Variants in AKT3 observed in about 807,000 individuals in gnomAD.
AKT3 encodes the protein AKT serine/threonine kinase 3.
AKT3 carries 15 observed loss-of-function variants against 65.3 expected under a neutral mutation model. The ratio of observed to expected loss-of-function variants is 0.23; its 90% CI spans 0.15 to 0.35. AKT3 has a LOEUF of 0.35. Ranked by LOEUF, AKT3 falls within the 10% of genes least tolerant of loss-of-function variation. The pLI is 1.00. For missense variants in AKT3, 243 were observed against 576.5 expected (o/e 0.42, Z 5.92); for synonymous variants, 206 against 183.8 (o/e 1.12, Z -0.98).
intron 2 of AKT3, among the ~76,000 whole-genome samples, chr1:243,839,472 G>A (rs1036724335): frequency 1.1e-4 from 17 of 152,166 alleles, no homozygotes; most frequent in African/African-American, 3.6e-4. Flanking sequence ...TGTTTGCTCC[G>A]TGATGTTTCT....
At chr1:243,489,236 A>C in intron 13 of AKT3, 4 of 1,486,342 alleles carry the variant, frequency 2.7e-6, no homozygotes, top group Admixed American at 2.0e-5. Flanking sequence ...CTCACGGATC[A>C]CATCGGTTAG....
intron 10 of AKT3, 78 bp downstream of exon 10, chr1:243,563,642 A>G: frequency 6.7e-7 from 1 of 1,497,682 alleles, no homozygotes; most frequent in South Asian, 1.4e-5. Context: ...TACTACAGTT[A>G]ACTTTTAATG....
At chr1:243,549,657 T>C (rs1672909694) in intron 11 of AKT3, among the ~76,000 whole-genome samples, 1 of 152,030 alleles carries the variant, frequency 6.6e-6, no homozygotes. Context: ...ACTCCCGACC[T>C]CAAGTGACCT....
At chr1:243,657,833 C>CAT (rs1428432355) in intron 4 of AKT3, among the ~76,000 whole-genome samples, 15 of 151,812 alleles carry the variant, frequency 9.9e-5, no homozygotes, top group African/African-American at 1.2e-4. Flanking sequence ...GTAATAAAAC[C>CAT]ATATATATAT....
intron 6 of AKT3, among the ~76,000 whole-genome samples, chr1:243,624,094 T>C (rs1051271899): frequency 3.9e-5 from 6 of 152,128 alleles, no homozygotes; most frequent in African/African-American, 1.4e-4. Context: ...GCTGACACAG[T>C]TGCCATCATA....
chr1:243,527,936 C>CACACAG (rs1671266313), intron 12 of AKT3, among the ~76,000 whole-genome samples: 24 of 38,270 alleles, frequency 6.3e-4, no homozygotes, highest in African/African-American at 1.4e-3. Context: ...CACACACACA[C>CACACAG]AGAGAGAGAG....
At chr1:243,824,278 T>TA (rs1291253068) in intron 2 of AKT3, among the ~76,000 whole-genome samples, 1 of 152,226 alleles carries the variant, frequency 6.6e-6, no homozygotes, top group East Asian at 1.9e-4. Flanking sequence ...TTTAAAGACT[T>TA]AAACATAAAA....
At chr1:243,569,411 C>T (rs1314397929) in intron 9 of AKT3, among the ~76,000 whole-genome samples, 1 of 152,122 alleles carries the variant, frequency 6.6e-6, no homozygotes, top group African/African-American at 2.4e-5. Context: ...CTTAAGATTT[C>T]TATATAGGGG....
intron 10 of AKT3, among the ~76,000 whole-genome samples, chr1:243,554,443 C>T (rs891678658): frequency 3.9e-5 from 6 of 151,964 alleles, no homozygotes; most frequent in Admixed American, 6.6e-5. Context: ...TCATCATCAG[C>T]GCAAAGAATG....
chr1:243,605,188 C>T (rs1408902782), intron 8 of AKT3, among the ~76,000 whole-genome samples: 1 of 151,932 alleles, frequency 6.6e-6, no homozygotes, highest in East Asian at 1.9e-4. Flanking sequence ...CATCACCATA[C>T]ATGGCTAACT....
intron 2 of AKT3, among the ~76,000 whole-genome samples, chr1:243,742,866 T>TA (rs1170829054): frequency 2.0e-5 from 3 of 151,818 alleles, no homozygotes; most frequent in Non-Finnish European, 2.9e-5. Flanking sequence ...TTTTTTTTTT[T>TA]AATGTGTAGA....
At chr1:243,692,250 G>A (rs1183052941) in intron 3 of AKT3, among the ~76,000 whole-genome samples, 1 of 151,960 alleles carries the variant, frequency 6.6e-6, no homozygotes, top group Non-Finnish European at 1.5e-5. Context: ...CCTGAAATAG[G>A]TCATAAGATC....
chr1:243,778,657 T>C (rs1030661017), intron 2 of AKT3, among the ~76,000 whole-genome samples: 4 of 152,192 alleles, frequency 2.6e-5, no homozygotes, highest in African/African-American at 4.8e-5. Context: ...TAAGTTATAC[T>C]GGAAATCATT....
intron 13 of AKT3, among the ~76,000 whole-genome samples, chr1:243,506,717 C>CT (rs1398309998): frequency 3.3e-5 from 5 of 152,206 alleles, no homozygotes; most frequent in Non-Finnish European, 5.9e-5. Context: ...TGGCTCCCTG[C>CT]TCTGTGTAAG....
At chr1:243,593,556 G>A (rs1676384243) in intron 8 of AKT3, among the ~76,000 whole-genome samples, 1 of 152,038 alleles carries the variant, frequency 6.6e-6, no homozygotes, top group Admixed American at 6.5e-5. Flanking sequence ...GTGCAGTGGT[G>A]GGCACCTGTA....
intron 2 of AKT3, among the ~76,000 whole-genome samples, chr1:243,702,131 G>A (rs914199688): frequency 1.4e-5 from 2 of 145,356 alleles, no homozygotes; most frequent in Admixed American, 1.4e-4. Flanking sequence ...AAAAAAAGCT[G>A]GCCATACTGT....
intron 11 of AKT3, among the ~76,000 whole-genome samples, chr1:243,551,056 C>T (rs565945566): frequency 1.2e-4 from 18 of 147,322 alleles, no homozygotes; most frequent in Middle Eastern, 3.5e-3. Context: ...TGTAAAAGAA[C>T]GCTATCAAAC....
intron 10 of AKT3, among the ~76,000 whole-genome samples, chr1:243,563,447 T>G (rs1039439609): frequency 3.3e-5 from 5 of 152,186 alleles, no homozygotes; most frequent in African/African-American, 1.2e-4. Context: ...AAAATGGGTA[T>G]AGCCAAGATA....
intron 1 of AKT3, among the ~76,000 whole-genome samples, chr1:243,844,675 C>T (rs748374093): frequency 6.6e-6 from 1 of 152,036 alleles, no homozygotes; most frequent in Non-Finnish European, 1.5e-5. Context: ...GATGGGGTCC[C>T]GCTATATTGT....
Sources: allele counts gnomAD v4.1 joint callset (sites outside exome capture counted in the v4.1 genomes callset), GRCh38; gene constraint gnomAD v4.1.1; transcripts MANE v1.5; gene names NCBI Gene and HGNC (gene_info 2026-07-23, HGNC 2026-07-21).